Variants in STK36 observed in about 807,000 individuals in gnomAD.
The protein encoded by STK36 is serine/threonine kinase 36.
A neutral mutation model predicts 142.2 loss-of-function variants in STK36; 116 were observed. The observed-to-expected ratio is 0.82, with a 90% CI of 0.70 to 0.95. The LOEUF is 0.95. STK36 is among the 40% of genes least tolerant of loss of function. The probability of loss-of-function intolerance (pLI) is 0.00; values close to 1 mark genes in which losing one functional copy is unlikely to be tolerated. For missense variants in STK36, 1,422 were observed against 1,617.2 expected (o/e 0.88, Z 2.07); for synonymous variants, 619 against 641.7 (o/e 0.96, Z 0.53).
chr2:218,674,729 G>A (rs558313239), intron 4 of STK36, among the ~76,000 whole-genome samples: 1 of 152,236 alleles, frequency 6.6e-6, no homozygotes, highest in South Asian at 2.1e-4. Context: ...AGCCTCCCCA[G>A]TAACCAGGAT....
intron 10 of STK36, among the ~76,000 whole-genome samples, chr2:218,681,447 T>G (rs1051819294): frequency 6.6e-6 from 1 of 151,948 alleles, no homozygotes; most frequent in African/African-American, 2.4e-5. Flanking sequence ...TATTAATATG[T>G]TTTTTTTGAG....
At chr2:218,672,685 GA>G in intron 1 of STK36, 55 bp from the exon 2 acceptor site, 1 of 705,270 alleles carries the variant, frequency 1.4e-6, no homozygotes, top group Non-Finnish European at 2.5e-6. Context: ...GCTTTATTGT[GA>G]AAAAGAGGAA....
At chr2:218,685,656 G>C (rs1940743246) in intron 11 of STK36, among the ~76,000 whole-genome samples, 2 of 152,154 alleles carry the variant, frequency 1.3e-5, no homozygotes, top group South Asian at 2.1e-4. Context: ...TTGCGGGGGA[G>C]AGGAATGACA....
intron 10 of STK36, among the ~76,000 whole-genome samples, chr2:218,683,248 A>G (rs1940614676): frequency 6.6e-6 from 1 of 150,872 alleles, no homozygotes; most frequent in South Asian, 2.1e-4. Context: ...AGCTGAGACT[A>G]CAGGTGTATG....
intron 10 of STK36, among the ~76,000 whole-genome samples, chr2:218,682,384 G>A (rs59621534): frequency 0.06 from 9,132 of 152,074 alleles, 917 homozygotes; most frequent in African/African-American, 0.21. Flanking sequence ...ATACTTTAGC[G>A]CATATTTCCT....
chr2:218,678,973 G>T (rs1940378300), intron 6 of STK36, among the ~76,000 whole-genome samples, 195 bp from the exon 7 acceptor site: 1 of 152,094 alleles, frequency 6.6e-6, no homozygotes, highest in South Asian at 2.1e-4. Context: ...CCTCTCCCTA[G>T]GAGGTAAGAT....
chr2:218,691,445 C>CT (rs1940993352), intron 14 of STK36, among the ~76,000 whole-genome samples: 1 of 152,174 alleles, frequency 6.6e-6, no homozygotes, highest in African/African-American at 2.4e-5. Flanking sequence ...GCCAGCACTT[C>CT]TCATGTCATA....
chr2:218,693,238 A>T lies in STK36; in HGVS notation c.2044-2A>T, dbSNP rs894768137. 1.9e-6 allele frequency: 3 copies of T among 1,613,788 alleles called. No individual in the cohort carries two copies. In the African/African-American group the frequency reaches 4.0e-5, roughly 22 times the overall value. On this transcript the variant is annotated splice_acceptor_variant, in intron 16 of 26. Coordinates refer to ENST00000295709, the MANE Select transcript of STK36 (RefSeq NM_015690.5). LOFTEE classifies it high-confidence loss of function. ...ATTGAGCCTTCAGGTATGTCTCTATAGGTCTGTTGGCATTTGGCAAATCAG... is the reference window on the plus strand; with the variant it reads ...ATTGAGCCTTCAGGTATGTCTCTATTGGTCTGTTGGCATTTGGCAAATCAG...
At chr2:218,672,934 C>A in intron 2 of STK36, 21 bp downstream of exon 2, 2 of 1,611,474 alleles carry the variant, frequency 1.2e-6, no homozygotes, top group Non-Finnish European at 1.7e-6. Flanking sequence ...AAGAGGGATA[C>A]CTTTTGGGTG....
intron 9 of STK36, 42 bp from the exon 10 acceptor site, chr2:218,680,561 A>G: frequency 1.3e-6 from 2 of 1,538,636 alleles, no homozygotes; most frequent in Non-Finnish European, 1.8e-6. Context: ...CCTAAGAGTC[A>G]TAGGTTTGGA....
At position 218,699,022 on chromosome 2, in the gene STK36, G is replaced by A; in HGVS notation, c.3478G>A (p.Gly1160Arg). ...QSGLLSLLLL[G>R]LGDKDPVVRC... ...TGGACTGCTCAGCCTTCTGCTGCTT[G>A]GGCTTGGAGACAAGGATCCTGTTGT... The change falls in exon 26 of 27, where the codon GGG (glycine) becomes AGG (arginine). Residue 1160 changes from glycine to arginine, a missense_variant. Gly to Arg is a moderately radical substitution (Grantham distance 125, BLOSUM62 -2). This residue lies in a region of STK36 where 962 missense variants were observed against 1,167.5 expected (regional missense o/e 0.82). Transcript: ENST00000295709. 1 of 1,614,126 alleles carries A rather than the reference G, an allele frequency of 6.2e-7. No individual in the cohort carries two copies.
At chr2:218,697,294 A>T (rs1477368066) in intron 23 of STK36, 81 bp downstream of exon 23, 1 of 1,538,580 alleles carries the variant, frequency 6.5e-7, no homozygotes, top group Non-Finnish European at 8.7e-7. Context: ...GTTAACCCAC[A>T]GAGGTTTATT....
At chr2:218,688,492 A>G in intron 11 of STK36, 1 of 624,922 alleles carries the variant, frequency 1.6e-6, no homozygotes. Context: ...GTTCTGTGTT[A>G]GGTAACCTGA....
Position 218,685,083 on chromosome 2 carries a change from A to G in STK36, c.1237-2A>G, listed in dbSNP as rs1464746718. On this transcript the variant is annotated splice_acceptor_variant, in intron 10 of 26. Transcript: ENST00000295709. LOFTEE classifies it high-confidence loss of function. ...GACCCCTTTCACTCCCCTCTGCCTC[A>G]GGAGCCAGACAGTGACAATGAGTGG... 6.2e-7 allele frequency: 1 copy of G among 1,613,960 alleles called. No homozygotes were observed. Among genetic ancestry groups the G allele is most frequent in the Non-Finnish European group, 8.5e-7 (1 of 1,179,968 alleles).
In STK36 at chr2:218,692,174, G is replaced by T. The variant is rs772669339; in HGVS notation, c.1796G>T (p.Gly599Val). ...CFTVLCEAMD[G>V]NSRAISKAFY... ...ACTGTCCTGTGCGAAGCCATGGATG[G>T]GAACAGCCGGGCCATCTCCAAAGCC... is the stretch of plus-strand genomic sequence containing the variant. Residue 599 changes from glycine to valine, a missense_variant, in exon 15 of 27, where the codon GGG becomes GTG. By Grantham distance (109) the Gly-to-Val change is moderately radical. Transcript: ENST00000295709. 6.2e-7 allele frequency: 1 copy of T among 1,614,166 alleles called. No individual in the cohort carries two copies. Among genetic ancestry groups the T allele is most frequent in the Admixed American group, 1.7e-5 (1 of 60,024 alleles).
At position 218,692,564 on chromosome 2, in the gene STK36, T is replaced by G. The variant is rs757981226; in HGVS notation, c.1916-19T>G. 6 of 1,604,474 alleles carry G rather than the reference T, an allele frequency of 3.7e-6. No individual in the cohort carries two copies. The highest frequency in any genetic ancestry group is 1.7e-5 in the Admixed American group (1 of 59,492). On this transcript the variant is annotated intron_variant, in intron 15 of 26. Coordinates refer to ENST00000295709, the MANE Select transcript of STK36 (RefSeq NM_015690.5). ...AAGAGCCTCAGGCCTTTGGAGTTACTCTTTGCTTTTCTCCACAGGAGCCCC... is the reference window on the plus strand; with the variant it reads ...AAGAGCCTCAGGCCTTTGGAGTTACGCTTTGCTTTTCTCCACAGGAGCCCC...
intron 7 of STK36, 135 bp downstream of exon 7, chr2:218,679,396 C>T: frequency 8.0e-7 from 1 of 1,252,658 alleles, no homozygotes. Flanking sequence ...CCTAGCCCTT[C>T]ACTTAACCTT....
In STK36 at chr2:218,692,177, A is replaced by G. The variant is rs1575137335; in HGVS notation, c.1799A>G (p.Asn600Ser). ...GTCCTGTGCGAAGCCATGGATGGGA[A>G]CAGCCGGGCCATCTCCAAAGCCTTT... ...FTVLCEAMDG[N>S]SRAISKAFYS... Residue 600 changes from asparagine (N) to serine (S), a missense_variant, in exon 15 of 27, where the codon AAC becomes AGC. This residue lies in a region of STK36 where 962 missense variants were observed against 1,167.5 expected (regional missense o/e 0.82). Coordinates refer to ENST00000295709, the MANE Select transcript of STK36 (RefSeq NM_015690.5). The G allele has an allele frequency of 5.6e-6, 9 of 1,614,156 alleles. No homozygotes were observed. The East Asian group carries it at 2.0e-4, about 36-fold the overall frequency.
At chr2:218,698,524 C>G in intron 25 of STK36, 78 bp from the exon 26 acceptor site, 10 of 1,529,200 alleles carry the variant, frequency 6.5e-6, no homozygotes, top group Non-Finnish European at 8.8e-6. Context: ...TGGCTTTTCT[C>G]TCTCCCAGGT....
Sources: allele counts gnomAD v4.1 joint callset (sites outside exome capture counted in the v4.1 genomes callset), GRCh38; gene constraint gnomAD v4.1.1; regional missense constraint gnomAD v4.1.1; transcripts MANE v1.5; gene names NCBI Gene and HGNC (gene_info 2026-07-23, HGNC 2026-07-21).